Variants in STK17B observed in about 807,000 individuals in gnomAD.
STK17B encodes serine/threonine kinase 17b.
In STK17B, 21 loss-of-function variants were observed where a neutral mutation model predicts 42.0. The ratio of observed to expected loss-of-function variants is 0.50; its 90% confidence interval spans 0.35 to 0.72. STK17B has a LOEUF of 0.72. Among genes scored for constraint, STK17B ranks in the 30% least tolerant of loss-of-function variants. The pLI is 0.00. For synonymous variants in STK17B, 143 were observed against 148.4 expected, an observed-to-expected ratio of 0.96 and a Z score of 0.26; for missense variants, 349 against 446.0, an observed-to-expected ratio of 0.78 and a Z score of 1.96.
intron 1 of STK17B, among the ~76,000 whole-genome samples, 189 bp from the exon 2 acceptor site, chr2:196,163,616 C>A (rs187803673): frequency 1.3e-5 from 2 of 151,856 alleles, no homozygotes; most frequent in East Asian, 3.9e-4. Flanking sequence ...GGCACTTGAA[C>A]GAAGTTACTG....
chr2:196,155,648 A>G (rs1699728588), intron 3 of STK17B, among the ~76,000 whole-genome samples: 1 of 152,220 alleles, frequency 6.6e-6, no homozygotes, highest in South Asian at 2.1e-4. Flanking sequence ...CACCCAAGGT[A>G]TACTAAACAT....
rs368572744 is a variant in STK17B, at chr2:196,149,960, T to G, written c.336-3905A>C. 3.3e-5 allele frequency among the ~76,000 whole-genome samples: 5 copies of G among 152,258 alleles called. No homozygotes were observed. In the East Asian group the frequency reaches 5.8e-4, roughly 18 times the overall value. The stretch of plus-strand genomic sequence containing the variant: ...CCTTTTAGTTTGACAAGCTGACCAA[T>G]GTATTTCGTAGGACTGCCATTTCTC... On this transcript the variant is annotated intron_variant, in intron 3 of 7. Transcript: ENST00000263955.
Position 196,137,771 on chromosome 2 carries a change from C to G in STK17B, c.837-42G>C, listed in dbSNP as rs373521986. 23 of 1,570,260 alleles carry G rather than the reference C, an allele frequency of 1.5e-5. No individual in the cohort carries two copies. In the African/African-American group the frequency reaches 3.1e-4, roughly 21 times the overall value. On this transcript the variant is annotated intron_variant, in intron 7 of 7. Coordinates refer to ENST00000263955, the MANE Select transcript of STK17B (RefSeq NM_004226.4). The stretch of plus-strand genomic sequence containing the variant: ...CAAGGGAAAATTGAGAACTAAAAAT[C>G]AAGTTGAAAATGTCTTCAGTTTGAT...
At chr2:196,175,305 C>G (rs1454145544), upstream of STK17B, among the ~76,000 whole-genome samples, 2 of 152,170 alleles carry the variant, frequency 1.3e-5, no homozygotes, top group Admixed American at 1.3e-4. Context: ...AAAGCAGATT[C>G]ACATTCCTAA....
chr2:196,168,617 C>G lies in STK17B; in HGVS notation c.-45+2716G>C, dbSNP rs559746692. On this transcript the variant is annotated intron_variant, in intron 1 of 7. Transcript: ENST00000263955. ...TAATTGCAAAGGGTCAGGGATGAAC[C>G]AAAATACAATGCATATAAATATTAA... is the stretch of plus-strand genomic sequence containing the variant. 2.0e-5 allele frequency among the ~76,000 whole-genome samples: 3 copies of G among 152,010 alleles called. No homozygotes were observed. In the East Asian group the frequency reaches 5.8e-4, roughly 29 times the overall value.
At chr2:196,145,747 T>C (rs974195605) in intron 4 of STK17B, among the ~76,000 whole-genome samples, 164 bp downstream of exon 4, 1 of 152,156 alleles carries the variant, frequency 6.6e-6, no homozygotes, top group African/African-American at 2.4e-5. Flanking sequence ...TCTGCCAATA[T>C]AAAATTAAGG....
intron 4 of STK17B, 98 bp from the exon 5 acceptor site, chr2:196,143,784 T>C: frequency 9.0e-7 from 1 of 1,105,438 alleles, no homozygotes; most frequent in Non-Finnish European, 1.2e-6. Context: ...GCTCAGCTAT[T>C]ATACATTTCA....
intron 1 of STK17B, among the ~76,000 whole-genome samples, chr2:196,170,591 C>G (rs987135295): frequency 6.6e-6 from 1 of 152,170 alleles, no homozygotes; most frequent in Non-Finnish European, 1.5e-5. Context: ...GGAGGAAATT[C>G]AAATGAAACG....
upstream of STK17B, among the ~76,000 whole-genome samples, chr2:196,175,228 T>G (rs1327825907): frequency 6.6e-6 from 1 of 152,208 alleles, no homozygotes; most frequent in Admixed American, 6.5e-5. Context: ...ATGTCCCAAT[T>G]CAGATGCCAA....
intron 1 of STK17B, among the ~76,000 whole-genome samples, 175 bp from the exon 2 acceptor site, chr2:196,163,602 C>T (rs1176072673): frequency 6.6e-6 from 1 of 151,812 alleles, no homozygotes; most frequent in Non-Finnish European, 1.5e-5. Flanking sequence ...CATAATAACA[C>T]TATGGCACTT....
Position 196,143,706 on chromosome 2 carries a change from A to G in STK17B, c.481-20T>C. 6.7e-7 allele frequency: 1 copy of G among 1,490,762 alleles called. No individual in the cohort carries two copies. The highest frequency in any genetic ancestry group is 1.4e-5 in the South Asian group (1 of 71,536). The allele number at this position is 1,490,762 out of a possible 1,614,324, so 92.3% of individuals were successfully genotyped here. A position where few individuals can be genotyped will look rare whatever the true frequency, so the allele number is the denominator to read the frequency against. On this transcript the variant is annotated intron_variant, in intron 4 of 7. Coordinates refer to ENST00000263955, the MANE Select transcript of STK17B (RefSeq NM_004226.4). ...CTGTGGCTAAACAAAGTACAACAAAAACATGATAAGTAATATACAAAAAAG... is the reference window on the plus strand; with the variant it reads ...CTGTGGCTAAACAAAGTACAACAAAGACATGATAAGTAATATACAAAAAAG...
At chr2:196,170,456 T>C (rs1268403618) in intron 1 of STK17B, among the ~76,000 whole-genome samples, 1 of 152,238 alleles carries the variant, frequency 6.6e-6, no homozygotes, top group Non-Finnish European at 1.5e-5. Context: ...ATTACGATTT[T>C]AAAAACGTAT....
chr2:196,156,320 T>TGAA (rs1699737501), intron 3 of STK17B, 119 bp downstream of exon 3: 4 of 910,226 alleles, frequency 4.4e-6, no homozygotes, highest in Non-Finnish European at 6.5e-6. Flanking sequence ...TAGGTCCCTT[T>TGAA]TACATTTTAT....
rs1037327902 is a variant in STK17B, at chr2:196,171,552, G to C, written c.-264C>G. On this transcript the variant is annotated 5_prime_UTR_variant, in exon 1 of 8. Transcript: ENST00000263955. ...GACTCCTGGCGACAGCAGCGGAGAG[G>C]ACTACCGAAGCTTGCAGTCGCGGTT... is the stretch of plus-strand genomic sequence containing the variant. The C allele has an allele frequency of 9.2e-5, 14 of 152,346 alleles. No individual in the cohort carries two copies. Among genetic ancestry groups the C allele is most frequent in the African/African-American group, 3.4e-4 (14 of 41,572 alleles). 9.4% of individuals were successfully genotyped at this position (152,346 alleles called of 1,614,324 possible). A position where few individuals can be genotyped will look rare whatever the true frequency, so the allele number is the denominator to read the frequency against.
chr2:196,139,578 C>T, intron 7 of STK17B, 42 bp downstream of exon 7: 2 of 1,236,452 alleles, frequency 1.6e-6, no homozygotes, highest in Non-Finnish European at 2.1e-6. Flanking sequence ...AGTATTTAAA[C>T]AAATTAAATT....
chr2:196,164,619 C>G (rs1446119622), intron 1 of STK17B, among the ~76,000 whole-genome samples: 3 of 151,920 alleles, frequency 2.0e-5, no homozygotes, highest in African/African-American at 7.3e-5. Flanking sequence ...TCTTTTTTTC[C>G]TATTTTCTAC....
chr2:196,165,188 T>C (rs1226204199), intron 1 of STK17B, among the ~76,000 whole-genome samples: 3 of 152,098 alleles, frequency 2.0e-5, no homozygotes, highest in Non-Finnish European at 4.4e-5. Flanking sequence ...GTGGGCCAAT[T>C]AGGACACAGA....
At chr2:196,168,875 A>G (rs1225400728) in intron 1 of STK17B, among the ~76,000 whole-genome samples, 5 of 152,216 alleles carry the variant, frequency 3.3e-5, no homozygotes, top group South Asian at 2.1e-4. Context: ...TTAAACATAA[A>G]ATCACTGAAT....
rs1699524615 is a variant in STK17B, at chr2:196,143,614, T to C, written c.553A>G (p.Lys185Glu). 1 of 1,610,394 alleles carries C rather than the reference T, an allele frequency of 6.2e-7. No individual in the cohort carries two copies. ...IKIVDFGMSR[K>E]IGHACELREI... The stretch of plus-strand genomic sequence containing the variant: ...CGAAGTTCACACGCATGCCCTATTT[T>C]TCGAGACATTCCAAAATCTACTATT... Residue 185 changes from lysine to glutamate, a missense_variant, in exon 5 of 8, where the codon AAA (lysine) becomes GAA (glutamate). By Grantham distance (56) the Lys-to-Glu change is moderately conservative. Around this residue, in one of 3 missense-constraint regions of STK17B, gnomAD observed 256 missense variants for 347.7 expected, o/e 0.74. Transcript: ENST00000263955.
Sources: allele counts gnomAD v4.1 joint callset (sites outside exome capture counted in the v4.1 genomes callset), GRCh38; gene constraint gnomAD v4.1.1; regional missense constraint gnomAD v4.1.1; transcripts MANE v1.5; gene names NCBI Gene and HGNC (gene_info 2026-07-23, HGNC 2026-07-21).